The following DCC variants were observed in gnomAD, a reference collection of about 807,000 sequenced individuals.
DCC encodes DCC netrin 1 receptor, also known as netrin receptor DCC.
DCC carries 58 observed loss-of-function variants against 172.5 expected under a neutral mutation model. The ratio of observed to expected loss-of-function variants is 0.34; its 90% CI spans 0.27 to 0.42. The LOEUF is 0.42. DCC is among the 10% of genes least tolerant of loss of function. DCC has a pLI of 1.00. For missense variants in DCC, 1,740 were observed against 1,791.0 expected, an observed-to-expected ratio of 0.97 and a Z score of 0.51; for synonymous variants, 709 against 644.5, an observed-to-expected ratio of 1.10 and a Z score of -1.52.
At chr18:52,958,179 G>C (rs1001553713) in intron 5 of DCC, among the ~76,000 whole-genome samples, 1 of 151,806 alleles carries the variant, frequency 6.6e-6, no homozygotes, top group Non-Finnish European at 1.5e-5. Flanking sequence ...TTAAATTATA[G>C]TTTCTATTTC....
chr18:52,747,921 T>C (rs2036932382), intron 1 of DCC, among the ~76,000 whole-genome samples: 1 of 152,202 alleles, frequency 6.6e-6, no homozygotes. Context: ...TCAGTGCCGC[T>C]TCGCCAGCCG....
chr18:52,937,072 G>C (rs1204134648), intron 5 of DCC, among the ~76,000 whole-genome samples: 1 of 151,988 alleles, frequency 6.6e-6, no homozygotes, highest in Non-Finnish European at 1.5e-5. Flanking sequence ...AACAATGCTT[G>C]GTAATTTGAG....
chr18:52,991,162 CTGT>C (rs1187966061), intron 5 of DCC, among the ~76,000 whole-genome samples: 1 of 152,132 alleles, frequency 6.6e-6, no homozygotes, highest in Non-Finnish European at 1.5e-5. Flanking sequence ...CCACACTATT[CTGT>C]TGTTTCTGTT....
intron 1 of DCC, among the ~76,000 whole-genome samples, chr18:52,674,501 C>A (rs1036642606): frequency 1.3e-5 from 2 of 152,130 alleles, no homozygotes; most frequent in Non-Finnish European, 2.9e-5. Context: ...CCAGAAACAC[C>A]TTCACAGACA....
chr18:52,490,789 C>A (rs1243849167), intron 1 of DCC, among the ~76,000 whole-genome samples: 1 of 151,986 alleles, frequency 6.6e-6, no homozygotes, highest in Non-Finnish European at 1.5e-5. Flanking sequence ...CAGCAAAGAC[C>A]CCACCTCTTG....
chr18:53,477,798 G>A (rs962469466), intron 25 of DCC, among the ~76,000 whole-genome samples: 6 of 152,232 alleles, frequency 3.9e-5, no homozygotes, highest in African/African-American at 1.4e-4. Context: ...TTATCCCCAA[G>A]CATTCTTCAC....
intron 1 of DCC, among the ~76,000 whole-genome samples, chr18:52,350,615 G>A (rs1284380299): frequency 1.3e-5 from 2 of 152,114 alleles, no homozygotes. Flanking sequence ...GTATACCTGT[G>A]TAACAAATCT....
intron 2 of DCC, among the ~76,000 whole-genome samples, chr18:52,833,910 G>A (rs1050994168): frequency 7.9e-5 from 12 of 152,160 alleles, no homozygotes; most frequent in Admixed American, 2.6e-4. Context: ...GCAATTCTCC[G>A]GCTTCGGCCT....
chr18:53,401,978 A>C (rs1042750882), intron 18 of DCC, among the ~76,000 whole-genome samples: 3 of 152,182 alleles, frequency 2.0e-5, no homozygotes, highest in African/African-American at 7.2e-5. Flanking sequence ...TAAGACACTC[A>C]TAGTTATTTT....
At chr18:53,391,476 G>GTTTCTAAT (rs927705263) in intron 16 of DCC, among the ~76,000 whole-genome samples, 179 bp from the exon 17 acceptor site, 1 of 152,084 alleles carries the variant, frequency 6.6e-6, no homozygotes, top group Non-Finnish European at 1.5e-5. Flanking sequence ...TAGCAATACT[G>GTTTCTAAT]TTTCTAATGT....
intron 1 of DCC, among the ~76,000 whole-genome samples, chr18:52,377,635 A>T (rs1435938387): frequency 1.3e-5 from 2 of 148,590 alleles, no homozygotes; most frequent in African/African-American, 5.0e-5. Context: ...ACAATTATGC[A>T]TTTTTTTTTA....
At chr18:52,835,090 C>G (rs756075144) in intron 2 of DCC, among the ~76,000 whole-genome samples, 3 of 152,116 alleles carry the variant, frequency 2.0e-5, no homozygotes, top group Non-Finnish European at 4.4e-5. Context: ...TTTAGTAATT[C>G]ACTGATATAC....
At chr18:53,086,944 T>TG (rs74180404) in intron 7 of DCC, among the ~76,000 whole-genome samples, 9 of 151,948 alleles carry the variant, frequency 5.9e-5, no homozygotes, top group African/African-American at 2.2e-4. Flanking sequence ...TCATTTTTTA[T>TG]GGGGGCATAG....
chr18:52,395,079 C>T (rs1986171010), intron 1 of DCC, among the ~76,000 whole-genome samples: 1 of 151,998 alleles, frequency 6.6e-6, no homozygotes, highest in Admixed American at 6.6e-5. Context: ...GCCAAAGCTA[C>T]TGATGAAGTT....
chr18:53,221,315 G>T (rs952132679), intron 12 of DCC, among the ~76,000 whole-genome samples: 1 of 151,906 alleles, frequency 6.6e-6, no homozygotes, highest in African/African-American at 2.4e-5. Flanking sequence ...CTATTCACCA[G>T]TAAGTCCCCA....
chr18:52,560,694 T>C (rs2144739039), intron 1 of DCC, among the ~76,000 whole-genome samples: 1 of 152,338 alleles, frequency 6.6e-6, no homozygotes, highest in Non-Finnish European at 1.5e-5. Flanking sequence ...TTTTATCTTT[T>C]TAAAATAAAC....
At chr18:53,302,456 G>C (rs1159591573) in intron 12 of DCC, among the ~76,000 whole-genome samples, 1 of 152,004 alleles carries the variant, frequency 6.6e-6, no homozygotes, top group Non-Finnish European at 1.5e-5. Flanking sequence ...GAATTAAACA[G>C]TATGTACTCT....
rs1555671953 is a variant in DCC, at chr18:53,437,606, A to AAAAAGCTC, written c.3229+2399_3229+2406dup. Among the ~76,000 whole-genome samples the AAAAAGCTC allele has an allele frequency of 3.8e-3, 558 of 147,238 alleles. 23 individuals are homozygous for AAAAAGCTC. Among genetic ancestry groups the AAAAAGCTC allele is most frequent in the African/African-American group, 0.014 (531 of 37,914 alleles). On this transcript the variant is annotated intron_variant, in intron 22 of 28. Coordinates refer to ENST00000442544, the MANE Select transcript of DCC (RefSeq NM_005215.4). ...TCAAAAAAAAAAAAAAAAAAAAAAA[A>AAAAAGCTC]AAAAGCTCACAGAAGGTGAGAGGAG...
intron 2 of DCC, among the ~76,000 whole-genome samples, chr18:52,754,416 T>A (rs1324756768): frequency 6.6e-6 from 1 of 152,154 alleles, no homozygotes; most frequent in Non-Finnish European, 1.5e-5. Flanking sequence ...CTTTGAGAGA[T>A]AATTAGATCA....
Sources: gnomAD v4.1 joint callset for allele counts (sites outside exome capture counted in the v4.1 genomes callset) on GRCh38, gnomAD v4.1.1 for gene constraint, MANE v1.5 for transcripts, NCBI Gene and HGNC (gene_info 2026-07-23, HGNC 2026-07-21) for gene names.